EFCAB13: variants seen among roughly 807,000 people sequenced by gnomAD.
EFCAB13 encodes the protein EF-hand calcium-binding domain-containing protein 13.
A neutral mutation model predicts 110.2 loss-of-function variants in EFCAB13; 91 were observed. The ratio of observed to expected loss-of-function variants is 0.83; its 90% CI spans 0.70 to 0.98. EFCAB13 has a LOEUF of 0.98. Ranked by LOEUF, EFCAB13 falls within the 50% of genes least tolerant of loss-of-function variation. The probability of loss-of-function intolerance (pLI) is 0.00; values close to 1 mark genes in which losing one functional copy is unlikely to be tolerated. For synonymous variants in EFCAB13, 323 were observed against 369.9 expected (o/e 0.87, Z 1.45); for missense variants, 968 against 1,119.4 (o/e 0.86, Z 1.93).
intron 9 of EFCAB13, among the ~76,000 whole-genome samples, chr17:47,350,426 C>T (rs189097580): frequency 1.3e-5 from 2 of 152,288 alleles, no homozygotes; most frequent in African/African-American, 4.8e-5. Flanking sequence ...TCAAATGAAT[C>T]TATAGAGGCC....
intron 9 of EFCAB13, among the ~76,000 whole-genome samples, chr17:47,349,707 G>A (rs2065437418): frequency 7.0e-6 from 1 of 143,172 alleles, no homozygotes; most frequent in Admixed American, 6.9e-5. Flanking sequence ...CATTTTTATA[G>A]TTAATGGAAT....
chr17:47,366,819 T>A (rs1284876092), intron 10 of EFCAB13, among the ~76,000 whole-genome samples: 1 of 152,222 alleles, frequency 6.6e-6, no homozygotes, highest in East Asian at 1.9e-4. Context: ...GGAATAAATT[T>A]GAGCAAGAGC....
intron 23 of EFCAB13, among the ~76,000 whole-genome samples, chr17:47,418,083 T>G: frequency 6.6e-6 from 1 of 152,220 alleles, no homozygotes; most frequent in Non-Finnish European, 1.5e-5. Flanking sequence ...AAAGCATTGA[T>G]GGAACCAATC....
intron 22 of EFCAB13, among the ~76,000 whole-genome samples, chr17:47,413,318 A>T (rs1904320872): frequency 6.6e-6 from 1 of 152,156 alleles, no homozygotes; most frequent in South Asian, 2.1e-4. Flanking sequence ...CTACATTTAA[A>T]AATAAGTTAT....
chr17:47,438,641 C>T (rs977436442), intron 24 of EFCAB13, among the ~76,000 whole-genome samples: 2 of 151,894 alleles, frequency 1.3e-5, no homozygotes, highest in Non-Finnish European at 2.9e-5. Flanking sequence ...TCCAAAATTT[C>T]CTGAATTTTT....
At chr17:47,395,442 A>G (rs1304185234) in intron 16 of EFCAB13, among the ~76,000 whole-genome samples, 1 of 152,198 alleles carries the variant, frequency 6.6e-6, no homozygotes, top group African/African-American at 2.4e-5. Context: ...TTTGTTGTCT[A>G]CAGTGGTAGA....
intron 23 of EFCAB13, among the ~76,000 whole-genome samples, chr17:47,429,299 C>A (rs184909717): frequency 1.9e-4 from 29 of 152,224 alleles, no homozygotes; most frequent in Middle Eastern, 3.4e-3. Flanking sequence ...TAATGAAAGA[C>A]AATTTTGATT....
At chr17:47,437,166 G>T (rs935027157) in intron 24 of EFCAB13, among the ~76,000 whole-genome samples, 1 of 151,990 alleles carries the variant, frequency 6.6e-6, no homozygotes, top group African/African-American at 2.4e-5. Context: ...ATTGAGGCTC[G>T]CTTTATGGCC....
chr17:47,418,652 G>A (rs1379499661), intron 23 of EFCAB13, among the ~76,000 whole-genome samples: 1 of 152,130 alleles, frequency 6.6e-6, no homozygotes, highest in African/African-American at 2.4e-5. Flanking sequence ...AACTCCTGAA[G>A]GTTTACACCA....
intron 24 of EFCAB13, chr17:47,430,220 T>G (rs11869487): frequency 0.018 from 19,062 of 1,072,768 alleles, 444 homozygotes; most frequent in East Asian, 0.18. Context: ...GTGAACTGAC[T>G]GACATGCACA....
chr17:47,355,759 G>A (rs1345783583), intron 9 of EFCAB13, among the ~76,000 whole-genome samples: 2 of 151,926 alleles, frequency 1.3e-5, no homozygotes, highest in Non-Finnish European at 2.9e-5. Flanking sequence ...TTTTAGTAGA[G>A]ACGGGGTTTC....
intron 24 of EFCAB13, among the ~76,000 whole-genome samples, chr17:47,438,498 C>CTTTTTTTT (rs112384926): frequency 7.0e-6 from 1 of 142,346 alleles, no homozygotes. Context: ...TAGTCTTATT[C>CTTTTTTTT]TTTTTTTTTT....
In EFCAB13 at chr17:47,436,158, C is replaced by T. The variant is rs189411863; in HGVS notation, c.2639-4273C>T. Among the ~76,000 whole-genome samples the T allele has an allele frequency of 4.2e-4, 64 of 152,102 alleles. No individual in the cohort carries two copies. The South Asian group carries it at 0.013, about 30-fold the overall frequency. On this transcript the variant is annotated intron_variant, in intron 24 of 24. Coordinates refer to ENST00000331493, the MANE Select transcript of EFCAB13 (RefSeq NM_152347.5). Reference sequence around the variant, plus strand: ...ATGGTGGATTATCTTTTTGATATGTCGTTGGATTCGGTTAGCTAGTATTTT... The same window carrying T: ...ATGGTGGATTATCTTTTTGATATGTTGTTGGATTCGGTTAGCTAGTATTTT...
In EFCAB13 at chr17:47,406,129, T is replaced by C. The variant is rs372846825; in HGVS notation, c.2233+1496T>C. On this transcript the variant is annotated intron_variant, in intron 20 of 24. Transcript: ENST00000331493. ...TTTATTTATTTATTTAATTTATTTA[T>C]TGAGACGGAGTCTCATTCTGTCGCC... 7.1e-4 allele frequency among the ~76,000 whole-genome samples: 108 copies of C among 152,364 alleles called. 1 individual carries two copies. In the South Asian group the frequency reaches 0.021, roughly 30 times the overall value.
At chr17:47,417,939 G>A (rs971504311) in intron 23 of EFCAB13, among the ~76,000 whole-genome samples, 1 of 152,150 alleles carries the variant, frequency 6.6e-6, no homozygotes, top group Admixed American at 6.6e-5. Flanking sequence ...CTAATGTAGA[G>A]GCTGATATCA....
At position 47,440,676 on chromosome 17, in the gene EFCAB13, G is replaced by A; in HGVS notation, c.2884G>A (p.Ala962Thr). The change falls in exon 25 of 25, where the codon GCA becomes ACA. Residue 962 changes from alanine (A) to threonine (T), a missense_variant. Transcript: ENST00000331493. Reference protein sequence around the residue: ...SLHNFCLNSKANIAKLNPNSK... With the variant: ...SLHNFCLNSKTNIAKLNPNSK... ...ACATAACTTCTGTTTGAATTCTAAG[G>A]CAAATATTGCTAAGCTTAACCCAAA... is the stretch of plus-strand genomic sequence containing the variant. 1 of 1,596,510 alleles carries A rather than the reference G, an allele frequency of 6.3e-7. No individual in the cohort carries two copies.
chr17:47,333,488 A>G (rs568940833), intron 4 of EFCAB13, among the ~76,000 whole-genome samples: 6 of 152,174 alleles, frequency 3.9e-5, no homozygotes, highest in African/African-American at 1.4e-4. Context: ...GTGCTTATAG[A>G]GTCTTATCCA....
intron 23 of EFCAB13, among the ~76,000 whole-genome samples, chr17:47,417,101 C>T (rs1904476120): frequency 6.6e-6 from 1 of 152,118 alleles, no homozygotes; most frequent in African/African-American, 2.4e-5. Context: ...CTGTTTCTTA[C>T]AATAACACAG....
chr17:47,393,373 A>G (rs1157783860), intron 15 of EFCAB13, among the ~76,000 whole-genome samples: 2 of 152,228 alleles, frequency 1.3e-5, no homozygotes, highest in African/African-American at 2.4e-5. Flanking sequence ...ATTCTTAGCT[A>G]TAAATCCTGG....
Sources: gnomAD v4.1 joint callset for allele counts (sites outside exome capture counted in the v4.1 genomes callset) on GRCh38, gnomAD v4.1.1 for gene constraint, MANE v1.5 for transcripts, NCBI Gene and HGNC (gene_info 2026-07-23, HGNC 2026-07-21) for gene names.